NBEAL1: variants seen among roughly 807,000 people sequenced by gnomAD.
NBEAL1 encodes neurobeachin-like protein 1.
Under a neutral mutation model 351.3 loss-of-function variants are expected in NBEAL1, and 273 were observed. The ratio of observed to expected loss-of-function variants is 0.78; its 90% CI spans 0.70 to 0.86. The LOEUF (loss-of-function observed/expected upper bound fraction) is 0.86, where lower values mean the gene tolerates loss of function less well. Ranked by LOEUF, NBEAL1 falls within the 40% of genes least tolerant of loss-of-function variation. NBEAL1 has a pLI of 0.00. For synonymous variants in NBEAL1, 1,050 were observed against 1,086.4 expected (o/e 0.97, Z 0.66); for missense variants, 2,961 against 3,201.3 (o/e 0.92, Z 1.81).
Position 203,119,424 on chromosome 2 carries a change from C to CTTT in NBEAL1, c.2593-2812_2593-2810dup, listed in dbSNP as rs57126638. On this transcript the variant is annotated intron_variant, in intron 18 of 55. Coordinates refer to ENST00000683969, the MANE Select transcript of NBEAL1 (RefSeq NM_001378026.1). The stretch of plus-strand genomic sequence containing the variant: ...GTGAGCCACTGCATACGGCCTGTTG[C>CTTT]TTTTTTTTTTTTTTTTTTTTGAGAC... 1.8e-3 allele frequency among the ~76,000 whole-genome samples: 118 copies of CTTT among 66,652 alleles called. 24 individuals are homozygous for CTTT. In the East Asian group the frequency reaches 0.018, roughly 10 times the overall value. The allele number at this position is 66,652 out of a possible 152,430, so 43.7% of individuals were successfully genotyped here.
At chr2:203,078,086 A>G (rs998924397) in intron 8 of NBEAL1, among the ~76,000 whole-genome samples, 1 of 152,220 alleles carries the variant, frequency 6.6e-6, no homozygotes, top group Admixed American at 6.5e-5. Flanking sequence ...TATTTATGTT[A>G]GCTTTCAAGC....
intron 31 of NBEAL1, among the ~76,000 whole-genome samples, chr2:203,141,843 G>C (rs1268068591): frequency 6.6e-6 from 1 of 152,154 alleles, no homozygotes; most frequent in Non-Finnish European, 1.5e-5. Context: ...GGTTATAATA[G>C]AGCTGCCTGC....
chr2:203,083,449 T>G lies in NBEAL1; in HGVS notation c.915T>G (p.Asp305Glu). ...LENYFKLLNS[D>E]HSALPNQRRS... ...ACTATTTTAAATTGCTAAATTCAGA[T>G]CATTCAGCTTTACCTAATCAAAGGA... The change falls in exon 9 of 56, where the codon GAT becomes GAG. Residue 305 changes from aspartate (D) to glutamate (E), a missense_variant. Transcript: ENST00000683969. 1 of 1,553,116 alleles carries G rather than the reference T, an allele frequency of 6.4e-7. No individual in the cohort carries two copies.
At chr2:203,112,350 A>G (rs971155996) in intron 16 of NBEAL1, among the ~76,000 whole-genome samples, 6 of 152,252 alleles carry the variant, frequency 3.9e-5, no homozygotes, top group Non-Finnish European at 7.3e-5. Flanking sequence ...TTATAACAGG[A>G]AAGCCAAAGA....
intron 38 of NBEAL1, among the ~76,000 whole-genome samples, chr2:203,168,615 G>T (rs1162215923): frequency 6.6e-6 from 1 of 151,800 alleles, no homozygotes; most frequent in African/African-American, 2.4e-5. Flanking sequence ...GCAGATTCTG[G>T]CTGGGTACGA....
intron 2 of NBEAL1, among the ~76,000 whole-genome samples, chr2:203,037,136 C>A (rs971018751): frequency 6.7e-6 from 1 of 149,224 alleles, no homozygotes; most frequent in African/African-American, 2.4e-5. Context: ...GATTTTAGAA[C>A]CGTATATTAA....
chr2:203,122,434 C>A, intron 19 of NBEAL1, 91 bp downstream of exon 19: 2 of 759,514 alleles, frequency 2.6e-6, no homozygotes, highest in Non-Finnish European at 4.3e-6. Flanking sequence ...CCAGATTGAT[C>A]TAAATAATAG....
At chr2:203,100,109 A>T (rs758715048) in intron 12 of NBEAL1, among the ~76,000 whole-genome samples, 1 of 152,172 alleles carries the variant, frequency 6.6e-6, no homozygotes, top group Non-Finnish European at 1.5e-5. Flanking sequence ...GCTGTGTAGT[A>T]TTCCATGGTG....
intron 26 of NBEAL1, 74 bp from the exon 27 acceptor site, chr2:203,132,984 A>G (rs765975756): frequency 7.7e-6 from 5 of 650,356 alleles, no homozygotes; most frequent in East Asian, 6.2e-5. Context: ...AGCATTTTAT[A>G]CAAGTATTAT....
chr2:203,208,263 G>A (rs961376707), intron 51 of NBEAL1, among the ~76,000 whole-genome samples: 1 of 152,132 alleles, frequency 6.6e-6, no homozygotes, highest in Non-Finnish European at 1.5e-5. Flanking sequence ...TCCAGCCTGG[G>A]CAACAGAATG....
chr2:203,129,267 A>C lies in NBEAL1; in HGVS notation c.3406-1051A>C, dbSNP rs371588335. On this transcript the variant is annotated intron_variant, in intron 24 of 55. Coordinates refer to ENST00000683969, the MANE Select transcript of NBEAL1 (RefSeq NM_001378026.1). Reference sequence around the variant, plus strand: ...TGATAAACCTGAAACTAGAACCCAAATGTTAAAAAAAAGCATTTTAGAGCC... The same window carrying C: ...TGATAAACCTGAAACTAGAACCCAACTGTTAAAAAAAAGCATTTTAGAGCC... Among the ~76,000 whole-genome samples the C allele has an allele frequency of 1.8e-4, 27 of 152,280 alleles. No homozygotes were observed. The East Asian group carries it at 5.0e-3, about 28-fold the overall frequency.
intron 2 of NBEAL1, among the ~76,000 whole-genome samples, chr2:203,029,934 G>T (rs182250259): frequency 2.0e-5 from 3 of 152,196 alleles, no homozygotes; most frequent in African/African-American, 7.2e-5. Flanking sequence ...TGCTTTTCCA[G>T]CTAGAATCAG....
chr2:203,027,586 TATG>T (rs1351750814), intron 2 of NBEAL1, among the ~76,000 whole-genome samples: 1 of 152,254 alleles, frequency 6.6e-6, no homozygotes, highest in Non-Finnish European at 1.5e-5. Flanking sequence ...GTGTGTAATT[TATG>T]ATGCCACTGT....
intron 2 of NBEAL1, among the ~76,000 whole-genome samples, chr2:203,021,825 G>A (rs1205531458): frequency 1.3e-5 from 2 of 151,962 alleles, no homozygotes; most frequent in African/African-American, 4.8e-5. Context: ...CAAGGTGGGT[G>A]GATCATGAGG....
chr2:203,041,279 C>T (rs1276006452), intron 2 of NBEAL1, among the ~76,000 whole-genome samples: 2 of 152,140 alleles, frequency 1.3e-5, no homozygotes, highest in Non-Finnish European at 2.9e-5. Flanking sequence ...CTGGAGAGTC[C>T]TGGGGCCTTG....
chr2:203,099,639 G>A lies in NBEAL1; in HGVS notation c.1196G>A (p.Gly399Glu), dbSNP rs2062266713. 1.9e-6 allele frequency: 3 copies of A among 1,546,538 alleles called. No homozygotes were observed. In the South Asian group the frequency reaches 3.6e-5, roughly 19 times the overall value. ...TEMNEDQVFQ[G>E]QLDCLAISTI... The stretch of plus-strand genomic sequence containing the variant: ...CTTCCCCCTCAATAGGTGTTTCAGG[G>A]ACAATTGGATTGTTTGGCCATATCA... The change falls in exon 12 of 56, where the codon GGA becomes GAA. Residue 399 changes from glycine to glutamate, a missense_variant. By Grantham distance (98) the Gly-to-Glu change is moderately conservative. Coordinates refer to ENST00000683969, the MANE Select transcript of NBEAL1 (RefSeq NM_001378026.1).
chr2:203,047,249 A>C (rs1193361840), intron 3 of NBEAL1, among the ~76,000 whole-genome samples: 2 of 152,140 alleles, frequency 1.3e-5, no homozygotes, highest in African/African-American at 4.8e-5. Flanking sequence ...AAAAAAAAAA[A>C]AACAAACACA....
chr2:203,224,336 T>C lies in NBEAL1; in HGVS notation c.*6982T>C, dbSNP rs539250289. Among the ~76,000 whole-genome samples, 38 of 152,212 alleles carry C rather than the reference T, an allele frequency of 2.5e-4. No individual in the cohort carries two copies. Among genetic ancestry groups the C allele is most frequent in the African/African-American group, 8.9e-4 (37 of 41,578 alleles). ...TCCATTTAGAAACTCTTAACAGGTA[T>C]GGCTTTCATTCCTCCAGTTGTTTGC... is the stretch of plus-strand genomic sequence containing the variant. On this transcript the variant is annotated 3_prime_UTR_variant, in exon 56 of 56. Transcript: ENST00000683969.
At chr2:203,088,094 G>A (rs1208942004) in intron 10 of NBEAL1, among the ~76,000 whole-genome samples, 3 of 151,968 alleles carry the variant, frequency 2.0e-5, no homozygotes, top group Non-Finnish European at 2.9e-5. Flanking sequence ...TTTTATAATC[G>A]AAAACTCAGG....
Sources: gnomAD v4.1 joint callset for allele counts (sites outside exome capture counted in the v4.1 genomes callset) on GRCh38, gnomAD v4.1.1 for gene constraint, MANE v1.5 for transcripts, NCBI Gene and HGNC (gene_info 2026-07-23, HGNC 2026-07-21) for gene names.